Variants in THSD4 observed in about 807,000 individuals in gnomAD.
The protein encoded by THSD4 is thrombospondin type 1 domain containing 4, also known as thrombospondin type-1 domain-containing protein 4.
THSD4 carries 69 observed loss-of-function variants against 119.0 expected under a neutral mutation model. The ratio of observed to expected loss-of-function variants is 0.58; its 90% CI spans 0.48 to 0.71. The LOEUF (loss-of-function observed/expected upper bound fraction) is 0.71, where lower values mean the gene tolerates loss of function less well. Among genes scored for constraint, THSD4 ranks in the 30% least tolerant of loss-of-function variants. The pLI, the probability that THSD4 is intolerant of heterozygous loss-of-function variation, is 0.00. For missense variants in THSD4, 1,393 were observed against 1,391.1 expected (o/e 1.00, Z -0.02); for synonymous variants, 524 against 540.4 (o/e 0.97, Z 0.42).
At chr15:71,338,332 G>A (rs1402919618) in intron 6 of THSD4, among the ~76,000 whole-genome samples, 3 of 149,516 alleles carry the variant, frequency 2.0e-5, no homozygotes, top group Non-Finnish European at 4.4e-5. Context: ...AGATCTGAAA[G>A]CAAGGGGTCT....
chr15:71,456,969 T>TGAACTTTGTCTCATTGAGA (rs998103983), intron 7 of THSD4, among the ~76,000 whole-genome samples: 2 of 152,136 alleles, frequency 1.3e-5, no homozygotes, highest in Non-Finnish European at 2.9e-5. Context: ...GGCTGACTTG[T>TGAACTTTGTCTCATTGAGA]GAACTTTGTC....
intron 6 of THSD4, among the ~76,000 whole-genome samples, chr15:71,331,250 T>C (rs79854464): frequency 0.14 from 21,310 of 152,140 alleles, 1,590 homozygotes; most frequent in Middle Eastern, 0.19. Context: ...CTTCTGGCAT[T>C]GAAGAAGCAG....
At chr15:71,335,967 T>C (rs1037951819) in intron 6 of THSD4, among the ~76,000 whole-genome samples, 1 of 152,046 alleles carries the variant, frequency 6.6e-6, no homozygotes, top group South Asian at 2.1e-4. Flanking sequence ...AGGCCAAACC[T>C]GAGGGGCTGG....
chr15:71,644,564 A>G (rs1044737391), intron 7 of THSD4, among the ~76,000 whole-genome samples: 1 of 152,206 alleles, frequency 6.6e-6, no homozygotes, highest in Non-Finnish European at 1.5e-5. Flanking sequence ...AGCTAGGTCA[A>G]TACTCTATGC....
chr15:71,142,522 A>C (rs2040614883), intron 2 of THSD4, among the ~76,000 whole-genome samples: 1 of 152,184 alleles, frequency 6.6e-6, no homozygotes, highest in African/African-American at 2.4e-5. Flanking sequence ...TAAATTTATA[A>C]TATTTATACA....
At chr15:71,485,725 A>G (rs141163791) in intron 7 of THSD4, among the ~76,000 whole-genome samples, 1 of 152,250 alleles carries the variant, frequency 6.6e-6, no homozygotes, top group East Asian at 1.9e-4. Flanking sequence ...TTCCTACATT[A>G]TTTAACAGTA....
intron 6 of THSD4, among the ~76,000 whole-genome samples, chr15:71,283,286 C>T (rs911559392): frequency 1.3e-5 from 2 of 152,096 alleles, no homozygotes; most frequent in Admixed American, 1.3e-4. Flanking sequence ...ATCTTTGTAA[C>T]TCTGTTGTAT....
intron 6 of THSD4, among the ~76,000 whole-genome samples, chr15:71,392,643 C>T (rs1416098927): frequency 1.3e-5 from 2 of 152,198 alleles, no homozygotes; most frequent in Non-Finnish European, 2.9e-5. Context: ...CCCTGAGGGC[C>T]TTGGCTATGG....
intron 10 of THSD4, among the ~76,000 whole-genome samples, chr15:71,737,459 G>A (rs928285406): frequency 6.6e-6 from 1 of 152,136 alleles, no homozygotes; most frequent in East Asian, 1.9e-4. Flanking sequence ...TATGGGTTTT[G>A]GCTGTTTGTG....
intron 6 of THSD4, among the ~76,000 whole-genome samples, chr15:71,386,372 G>A (rs2140460396): frequency 6.6e-6 from 1 of 152,260 alleles, no homozygotes; most frequent in African/African-American, 2.4e-5. Context: ...CTAACATAAG[G>A]ATGTACAATT....
intron 7 of THSD4, among the ~76,000 whole-genome samples, chr15:71,478,342 A>C (rs539095815): frequency 6.6e-6 from 1 of 152,334 alleles, no homozygotes; most frequent in Non-Finnish European, 1.5e-5. Context: ...TGGTATTATT[A>C]CATATATTTA....
chr15:71,606,830 A>G (rs960193737), intron 7 of THSD4, among the ~76,000 whole-genome samples: 3 of 152,216 alleles, frequency 2.0e-5, no homozygotes, highest in Admixed American at 6.5e-5. Context: ...GTGAGCCACC[A>G]TGCCCAGCCT....
intron 6 of THSD4, among the ~76,000 whole-genome samples, chr15:71,275,440 G>T: frequency 6.6e-6 from 1 of 152,096 alleles, no homozygotes; most frequent in East Asian, 1.9e-4. Flanking sequence ...GGAGTGGTTG[G>T]GACATTTTGT....
chr15:71,388,905 T>C (rs796495424), intron 6 of THSD4, among the ~76,000 whole-genome samples: 2 of 152,272 alleles, frequency 1.3e-5, no homozygotes, highest in African/African-American at 2.4e-5. Flanking sequence ...TGGGAGATAA[T>C]TGAGTCATGG....
In THSD4 at chr15:71,648,996, G is replaced by C. The variant is rs924591256; in HGVS notation, c.1153-11534G>C. 5.3e-5 allele frequency among the ~76,000 whole-genome samples: 8 copies of C among 152,304 alleles called. No individual in the cohort carries two copies. The South Asian group carries it at 1.0e-3, about 20-fold the overall frequency. ...CTGCGGGTGTAATGTGCATTATTAG[G>C]AAGGCTCTTAGGTGAACATTCATGT... On this transcript the variant is annotated intron_variant, in intron 7 of 17. Transcript: ENST00000261862.
intron 8 of THSD4, among the ~76,000 whole-genome samples, chr15:71,682,399 T>C (rs1400453424): frequency 6.6e-6 from 1 of 152,204 alleles, no homozygotes; most frequent in Non-Finnish European, 1.5e-5. Flanking sequence ...GATGAAGAAA[T>C]AGAACTTGAT....
chr15:71,428,664 A>T (rs867207791), intron 7 of THSD4, among the ~76,000 whole-genome samples: 1 of 152,246 alleles, frequency 6.6e-6, no homozygotes. Flanking sequence ...TTTTGAGGAC[A>T]AAAGTGTCAG....
intron 7 of THSD4, among the ~76,000 whole-genome samples, chr15:71,591,492 T>A (rs999525710): frequency 6.6e-6 from 1 of 152,222 alleles, no homozygotes; most frequent in African/African-American, 2.4e-5. Context: ...GACTCCCATC[T>A]GCAAGGTAGA....
chr15:71,385,086 T>A (rs2046278749), intron 6 of THSD4, among the ~76,000 whole-genome samples: 1 of 152,220 alleles, frequency 6.6e-6, no homozygotes, highest in African/African-American at 2.4e-5. Context: ...CTGAGGCCTA[T>A]AGCTGGATCC....
Sources: gnomAD v4.1 joint callset for allele counts (sites outside exome capture counted in the v4.1 genomes callset) on GRCh38, gnomAD v4.1.1 for gene constraint, MANE v1.5 for transcripts, NCBI Gene and HGNC (gene_info 2026-07-23, HGNC 2026-07-21) for gene names.